The following NCOA5 variants were observed in gnomAD, a reference collection of about 807,000 sequenced individuals.
The protein encoded by NCOA5 is NCoA-5.
A neutral mutation model predicts 59.0 loss-of-function variants in NCOA5; 12 were observed. The ratio of observed to expected loss-of-function variants is 0.20; its 90% CI spans 0.13 to 0.33. The LOEUF is 0.33. NCOA5 is among the 10% of genes least tolerant of loss of function. The pLI, the probability that NCOA5 is intolerant of heterozygous loss-of-function variation, is 1.00. For synonymous variants in NCOA5, 270 were observed against 275.5 expected (o/e 0.98, Z 0.20); for missense variants, 655 against 766.6 (o/e 0.85, Z 1.72).
rs748869016 is a variant in NCOA5, at chr20:46,062,791, C to T, written c.1249G>A (p.Ala417Thr). 2 of 1,584,068 alleles carry T rather than the reference C, an allele frequency of 1.3e-6. No homozygotes were observed. The highest frequency in any genetic ancestry group is 1.7e-6 in the Non-Finnish European group (2 of 1,163,690). ...GGGGGTGCAGATGGAGTGGGTGTAGCAGAGGGGAGCACTTGGCCGCTCTGG... is the reference window on the plus strand; with the variant it reads ...GGGGGTGCAGATGGAGTGGGTGTAGTAGAGGGGAGCACTTGGCCGCTCTGG... ...PLQSGQVLPSATPTPSAPPTS... is the reference protein window; with the variant it reads ...PLQSGQVLPSTTPTPSAPPTS... The change falls in exon 8 of 8, where the codon GCT becomes ACT. Residue 417 changes from alanine to threonine, a missense_variant. By Grantham distance (58) the Ala-to-Thr change is moderately conservative (BLOSUM62 0). Coordinates refer to ENST00000290231, the MANE Select transcript of NCOA5 (RefSeq NM_020967.3).
At chr20:46,089,499 G>A (rs2145561143) in intron 1 of NCOA5, among the ~76,000 whole-genome samples, 1 of 152,348 alleles carries the variant, frequency 6.6e-6, no homozygotes, top group South Asian at 2.1e-4. Context: ...GGCTCAACCA[G>A]AGAAGCCTTG....
intron 1 of NCOA5, among the ~76,000 whole-genome samples, chr20:46,079,766 G>T (rs184528195): frequency 2.6e-5 from 4 of 152,332 alleles, no homozygotes; most frequent in African/African-American, 4.8e-5. Flanking sequence ...GGGAGGAAAA[G>T]GTTGTTTTCT....
chr20:46,065,235 A>G lies in NCOA5; in HGVS notation c.630-7T>C. On this transcript the variant is annotated splice_region_variant and splice_polypyrimidine_tract_variant and intron_variant, in intron 5 of 7. Transcript: ENST00000290231. ...CACAGACTCAGCATAGTCTCTGTAA[A>G]AATAAATAAGATCCAGGTGAGCGAC... 6.2e-7 allele frequency: 1 copy of G among 1,614,126 alleles called. No homozygotes were observed. The highest frequency in any genetic ancestry group is 8.5e-7 in the Non-Finnish European group (1 of 1,179,988).
rs2084966706 is a variant in NCOA5 at position 46,079,042 on chromosome 20, AGCATG to A, written c.38+340_38+344del. On this transcript the variant is annotated intron_variant, in intron 2 of 7. Coordinates refer to ENST00000290231, the MANE Select transcript of NCOA5 (RefSeq NM_020967.3). ...GAATCTCTGCTGCCCACTGCAGTGC[AGCATG>A]GCATACACCAATGACTCTGGGGCAC... Among the ~76,000 whole-genome samples, 3 of 152,196 alleles carry A rather than the reference AGCATG, an allele frequency of 2.0e-5. No homozygotes were observed. The South Asian group carries it at 6.2e-4, about 31-fold the overall frequency.
chr20:46,070,408 T>C lies in NCOA5; in HGVS notation c.167A>G (p.Asp56Gly). 1 of 1,613,686 alleles carries C rather than the reference T, an allele frequency of 6.2e-7. No individual in the cohort carries two copies. The highest frequency in any genetic ancestry group is 1.1e-5 in the South Asian group (1 of 91,030). The change falls in exon 3 of 8, where the codon GAC becomes GGC. Residue 56 changes from aspartate (D) to glycine (G), a missense_variant. Coordinates refer to ENST00000290231, the MANE Select transcript of NCOA5 (RefSeq NM_020967.3). ...RDARDSRDIR[D>G]PRDLRDHRHS... ...TCTGTGGTCCCGCAAGTCTCGGGGGTCTCGAATGTCTCTGCTGTCCCGGGC... is the reference window on the plus strand; with the variant it reads ...TCTGTGGTCCCGCAAGTCTCGGGGGCCTCGAATGTCTCTGCTGTCCCGGGC...
At chr20:46,064,765 C>T (rs1387468335) in intron 6 of NCOA5, among the ~76,000 whole-genome samples, 4 of 152,176 alleles carry the variant, frequency 2.6e-5, no homozygotes, top group Non-Finnish European at 4.4e-5. Flanking sequence ...AACGCCCTCC[C>T]CCCACACTGG....
intron 2 of NCOA5, among the ~76,000 whole-genome samples, chr20:46,074,587 G>C (rs908470754): frequency 3.9e-5 from 6 of 152,170 alleles, no homozygotes; most frequent in African/African-American, 1.4e-4. Flanking sequence ...TCTTTGCCTT[G>C]AGGGGAATAT....
intron 1 of NCOA5, among the ~76,000 whole-genome samples, chr20:46,083,493 G>C (rs1249845594): frequency 6.6e-6 from 1 of 152,150 alleles, no homozygotes; most frequent in East Asian, 1.9e-4. Context: ...CCCTATTCTA[G>C]AGTTGCAAAT....
At chr20:46,088,642 T>A (rs887958585) in intron 1 of NCOA5, among the ~76,000 whole-genome samples, 1 of 152,196 alleles carries the variant, frequency 6.6e-6, no homozygotes, top group Admixed American at 6.5e-5. Context: ...TGCACCTGAG[T>A]GAACACAGTT....
At chr20:46,077,139 A>G (rs1051823319) in intron 2 of NCOA5, among the ~76,000 whole-genome samples, 2 of 152,266 alleles carry the variant, frequency 1.3e-5, no homozygotes, top group African/African-American at 4.8e-5. Context: ...CAAACTCCTG[A>G]GCTCAAGTGA....
rs2084870125 is a variant in NCOA5 at position 46,070,403 on chromosome 20, G to A, written c.172C>T (p.Arg58Ter). ...ARDSRDIRDPRDLRDHRHSRD... is the reference protein window; with the variant it reads ...ARDSRDIRDP ...CTATGTCTGTGGTCCCGCAAGTCTC[G>A]GGGGTCTCGAATGTCTCTGCTGTCC... Residue 58 changes from arginine (R) to a stop codon, truncating the protein, a stop_gained, in exon 3 of 8, where the codon CGA becomes TGA. Coordinates refer to ENST00000290231, the MANE Select transcript of NCOA5 (RefSeq NM_020967.3). LOFTEE classifies it high-confidence loss of function. 2 of 1,613,980 alleles carry A rather than the reference G, an allele frequency of 1.2e-6. No individual in the cohort carries two copies. The highest frequency in any genetic ancestry group is 1.7e-6 in the Non-Finnish European group (2 of 1,179,972).
chr20:46,087,516 C>T (rs529706407), intron 1 of NCOA5, among the ~76,000 whole-genome samples: 1 of 152,200 alleles, frequency 6.6e-6, no homozygotes, highest in East Asian at 1.9e-4. Context: ...CCAGCACTTT[C>T]GGAGGCAGAG....
chr20:46,075,079 C>G (rs918198976), intron 2 of NCOA5, among the ~76,000 whole-genome samples: 2 of 152,162 alleles, frequency 1.3e-5, no homozygotes, highest in Admixed American at 6.5e-5. Flanking sequence ...GATGTTGATC[C>G]TCCACCAGGA....
rs570691498 is a variant in NCOA5 at position 46,064,778 on chromosome 20, CTTG to C, written c.829+248_829+250del. 1.3e-3 allele frequency among the ~76,000 whole-genome samples: 191 copies of C among 152,326 alleles called. 4 individuals are homozygous for C. The South Asian group carries it at 0.016, about 13-fold the overall frequency. On this transcript the variant is annotated intron_variant, in intron 6 of 7. Coordinates refer to ENST00000290231, the MANE Select transcript of NCOA5 (RefSeq NM_020967.3). The stretch of plus-strand genomic sequence containing the variant: ...TAAACGCCCTCCCCCCACACTGGAA[CTTG>C]TTGTTACACGTGTGCCAGCACACCA...
At chr20:46,068,002 C>T (rs375883122) in intron 4 of NCOA5, among the ~76,000 whole-genome samples, 1 of 152,070 alleles carries the variant, frequency 6.6e-6, no homozygotes, top group African/African-American at 2.4e-5. Flanking sequence ...ACAATCATGG[C>T]TTGCTGAGAC....
At chr20:46,073,151 C>G (rs1568882690) in intron 2 of NCOA5, among the ~76,000 whole-genome samples, 2 of 152,292 alleles carry the variant, frequency 1.3e-5, no homozygotes, top group South Asian at 2.1e-4. Context: ...CTCTCAAGAG[C>G]AGGCAGCATG....
In NCOA5 at chr20:46,063,421, G is replaced by C; in HGVS notation, c.1089C>G (p.Ile363Met). The C allele has an allele frequency of 9.3e-6, 15 of 1,614,156 alleles. No individual in the cohort carries two copies. Among genetic ancestry groups the C allele is most frequent in the Non-Finnish European group, 1.3e-5 (15 of 1,180,038 alleles). ...CCTTCCGCTCTCGCAGGTAGTTGAT[G>C]ATCTTGTCAGTCTCTTCAGCAGTGA... ...RYLTAEETDKIINYLRERKER... is the reference protein window; with the variant it reads ...RYLTAEETDKMINYLRERKER... The change falls in exon 7 of 8, where the codon ATC becomes ATG. Residue 363 changes from isoleucine (I) to methionine (M), a missense_variant. Physicochemically the swap from Ile to Met is conservative, Grantham distance 10. Around this residue, in one of 3 missense-constraint regions of NCOA5, gnomAD observed 325 missense variants for 353.2 expected, o/e 0.92. Transcript: ENST00000290231.
At chr20:46,087,180 G>A (rs1408674266) in intron 1 of NCOA5, among the ~76,000 whole-genome samples, 2 of 152,148 alleles carry the variant, frequency 1.3e-5, no homozygotes, top group African/African-American at 2.4e-5. Context: ...ACTACACTAA[G>A]AGTAACAGTG....
intron 1 of NCOA5, among the ~76,000 whole-genome samples, chr20:46,089,035 T>C (rs2085071898): frequency 6.6e-6 from 1 of 152,214 alleles, no homozygotes; most frequent in Non-Finnish European, 1.5e-5. Context: ...ATGTAACATT[T>C]GGTAAATAGC....
Sources: allele counts gnomAD v4.1 joint callset (sites outside exome capture counted in the v4.1 genomes callset), GRCh38; gene constraint gnomAD v4.1.1; regional missense constraint gnomAD v4.1.1; transcripts MANE v1.5; gene names NCBI Gene and HGNC (gene_info 2026-07-23, HGNC 2026-07-21).